MET: variants seen among roughly 807,000 people sequenced by gnomAD.
The protein encoded by MET is MET proto-oncogene, receptor tyrosine kinase, also known as hepatocyte growth factor receptor.
A neutral mutation model predicts 133.1 loss-of-function variants in MET; 48 were observed. That is an observed-to-expected ratio of 0.36 (90% CI 0.29 to 0.46). MET has a LOEUF of 0.46. Among genes scored for constraint, MET ranks in the 20% least tolerant of loss-of-function variants. The pLI is 1.00. For synonymous variants in MET, 628 were observed against 616.5 expected (o/e 1.02, Z -0.28); for missense variants, 1,442 against 1,695.9 (o/e 0.85, Z 2.63).
intron 2 of MET, among the ~76,000 whole-genome samples, chr7:116,730,274 G>A (rs559591638): frequency 6.6e-5 from 10 of 152,308 alleles, no homozygotes; most frequent in African/African-American, 2.2e-4. Flanking sequence ...TATTTGGAGC[G>A]CTGAAAGAAG....
intron 3 of MET, among the ~76,000 whole-genome samples, chr7:116,735,779 C>CTTT (rs34534013): frequency 5.4e-5 from 7 of 129,832 alleles, no homozygotes; most frequent in African/African-American, 8.7e-5. Flanking sequence ...TTAGCTTTGG[C>CTTT]TTTTTTTTTT....
At chr7:116,694,063 G>T (rs1241589791) in intron 1 of MET, among the ~76,000 whole-genome samples, 1 of 152,204 alleles carries the variant, frequency 6.6e-6, no homozygotes, top group Non-Finnish European at 1.5e-5. Context: ...TGGCCTCTCA[G>T]TTGTCACTCA....
intron 1 of MET, among the ~76,000 whole-genome samples, chr7:116,691,094 T>C (rs1050822862): frequency 8.5e-5 from 13 of 152,216 alleles, no homozygotes; most frequent in Admixed American, 7.2e-4. Context: ...GACTGTAATT[T>C]CCTTAATATG....
rs77651398 is a variant in MET, at chr7:116,699,218, A to G, written c.134A>G (p.Asn45Ser). The G allele has an allele frequency of 1.2e-6, 2 of 1,613,940 alleles. No individual in the cohort carries two copies. Among genetic ancestry groups the G allele is most frequent in the East Asian group, 2.2e-5 (1 of 44,876 alleles). Residue 45 changes from asparagine to serine, a missense_variant, in exon 2 of 21, where the codon AAC (asparagine) becomes AGC (serine). This residue lies in a region of MET where 762 missense variants were observed against 792.4 expected (regional missense o/e 0.96). Transcript: ENST00000397752. ...MNVNMKYQLPNFTAETPIQNV... is the reference protein window; with the variant it reads ...MNVNMKYQLPSFTAETPIQNV... Reference sequence around the variant, plus strand: ...GTGAATATGAAGTATCAGCTTCCCAACTTCACCGCGGAAACACCCATCCAG... The same window carrying G: ...GTGAATATGAAGTATCAGCTTCCCAGCTTCACCGCGGAAACACCCATCCAG...
chr7:116,763,427 G>T, intron 11 of MET, 159 bp downstream of exon 11: 1 of 713,692 alleles, frequency 1.4e-6, no homozygotes, highest in South Asian at 1.6e-5. Flanking sequence ...AAAACTAAAA[G>T]ATAAGAATAA....
In MET at chr7:116,732,135, G is replaced by C. The variant is rs10244916; in HGVS notation, c.1392+276G>C. Among the ~76,000 whole-genome samples the C allele has an allele frequency of 0.028, 4,317 of 151,868 alleles. 227 individuals carry two copies. Among genetic ancestry groups the C allele is most frequent in the African/African-American group, 0.099 (4,087 of 41,368 alleles). On this transcript the variant is annotated intron_variant, in intron 3 of 20. Coordinates refer to ENST00000397752, the MANE Select transcript of MET (RefSeq NM_000245.4). ...CATTTTTTTTCCATTTATAATTTCT[G>C]TCACGTGATTGGAAAATAAAATGAA...
chr7:116,758,345 A>G (rs373940602), intron 8 of MET, 114 bp from the exon 9 acceptor site: 1 of 1,111,696 alleles, frequency 9.0e-7, no homozygotes, highest in Non-Finnish European at 1.3e-6. Flanking sequence ...GCTTCCACTC[A>G]GGAAATTCCC....
rs548897187 is a variant in MET at position 116,789,018 on chromosome 7, A to G, written c.3798+5549A>G. On this transcript the variant is annotated intron_variant, in intron 19 of 20. Coordinates refer to ENST00000397752, the MANE Select transcript of MET (RefSeq NM_000245.4). The stretch of plus-strand genomic sequence containing the variant: ...TACAAGTTCTTCCATTAAACTGTGT[A>G]TTGACTTCCTTGTTCTCAGCCCTTA... Among the ~76,000 whole-genome samples, 14 of 152,332 alleles carry G rather than the reference A, an allele frequency of 9.2e-5. No individual in the cohort carries two copies. In the South Asian group the frequency reaches 2.7e-3, roughly 29 times the overall value.
intron 2 of MET, among the ~76,000 whole-genome samples, chr7:116,711,634 TTTTTG>T (rs1792001075): frequency 1.3e-5 from 2 of 152,136 alleles, no homozygotes; most frequent in Non-Finnish European, 2.9e-5. Flanking sequence ...CAGGTTTTTT[TTTTTG>T]TTTAGTGTAT....
chr7:116,697,485 T>C (rs1470120029), intron 1 of MET, among the ~76,000 whole-genome samples: 1 of 152,210 alleles, frequency 6.6e-6, no homozygotes, highest in African/African-American at 2.4e-5. Flanking sequence ...TAATCACCTC[T>C]TAAAGTCCCC....
intron 2 of MET, among the ~76,000 whole-genome samples, chr7:116,716,493 G>GAAA (rs1275001923): frequency 2.0e-5 from 3 of 146,598 alleles, no homozygotes; most frequent in Non-Finnish European, 4.5e-5. Context: ...AAGAAAGAAA[G>GAAA]AAAGAAAGAA....
At chr7:116,760,102 A>G (rs540940807) in intron 10 of MET, among the ~76,000 whole-genome samples, 67 of 152,310 alleles carry the variant, frequency 4.4e-4, no homozygotes, top group Non-Finnish European at 8.4e-4. Context: ...ACAGACAGTC[A>G]GTACAAATGG....
intron 2 of MET, among the ~76,000 whole-genome samples, chr7:116,706,493 A>T (rs1791799574): frequency 6.6e-6 from 1 of 152,164 alleles, no homozygotes; most frequent in Admixed American, 6.5e-5. Flanking sequence ...AGCATGTGGG[A>T]TGCTGCATTG....
In MET at chr7:116,672,417, C is replaced by T. The variant is rs1796005347; in HGVS notation, c.-175C>T. ...AGGTGACCCGGAGGCCCTCGCCGCC[C>T]GCGGCGCCCCGAGCGCTTTGTGAGC... is the stretch of plus-strand genomic sequence containing the variant. On this transcript the variant is annotated 5_prime_UTR_variant, in exon 1 of 21. Transcript: ENST00000397752. 2.5e-6 allele frequency: 1 copy of T among 392,464 alleles called. No individual in the cohort carries two copies. The highest frequency in any genetic ancestry group is 2.1e-5 in the African/African-American group (1 of 48,244). 24.3% of individuals were successfully genotyped at this position (392,464 alleles called of 1,614,324 possible). A position where few individuals can be genotyped will look rare whatever the true frequency, so the allele number is the denominator to read the frequency against.
chr7:116,796,075 C>A lies in MET; in HGVS notation c.4124C>A (p.Ala1375Asp). The part of the protein sequence containing the change: ...YPSLLSSEDN[A>D]DDEVDTRPAS... ...TCTCTGTTGTCATCAGAAGATAACG[C>A]TGATGATGAGGTGGACACACGACCA... The change falls in exon 21 of 21, where the codon GCT becomes GAT. Residue 1375 changes from alanine (A) to aspartate (D), a missense_variant. Physicochemically the swap from Ala to Asp is moderately radical, Grantham distance 126. Around this residue, in one of 6 missense-constraint regions of MET, gnomAD observed 94 missense variants for 109.5 expected, o/e 0.86. Transcript: ENST00000397752. 1 of 1,613,954 alleles carries A rather than the reference C, an allele frequency of 6.2e-7. No homozygotes were observed. Among genetic ancestry groups the A allele is most frequent in the South Asian group, 1.1e-5 (1 of 91,068 alleles).
intron 5 of MET, among the ~76,000 whole-genome samples, chr7:116,744,571 A>G (rs1434680090): frequency 6.6e-6 from 1 of 152,238 alleles, no homozygotes; most frequent in Admixed American, 6.5e-5. Context: ...TGATTGGTGT[A>G]CCTGAAAGTT....
At chr7:116,689,782 A>G (rs1255904443) in intron 1 of MET, among the ~76,000 whole-genome samples, 1 of 151,516 alleles carries the variant, frequency 6.6e-6, no homozygotes, top group Non-Finnish European at 1.5e-5. Context: ...CTGGTCTCAA[A>G]CTCCTGAACT....
At chr7:116,749,698 A>G (rs1793839766) in intron 5 of MET, among the ~76,000 whole-genome samples, 2 of 152,210 alleles carry the variant, frequency 1.3e-5, no homozygotes, top group Admixed American at 1.3e-4. Flanking sequence ...ATGATTGCAT[A>G]TTTAGAAAAC....
chr7:116,705,268 A>G (rs1297237758), intron 2 of MET, among the ~76,000 whole-genome samples: 4 of 152,134 alleles, frequency 2.6e-5, no homozygotes, highest in Non-Finnish European at 5.9e-5. Flanking sequence ...TTGATCTGTC[A>G]TCCTCAGGGC....
Sources: gnomAD v4.1 joint callset for allele counts (sites outside exome capture counted in the v4.1 genomes callset) on GRCh38, gnomAD v4.1.1 for gene constraint, gnomAD v4.1.1 regional missense constraint, MANE v1.5 for transcripts, NCBI Gene and HGNC (gene_info 2026-07-23, HGNC 2026-07-21) for gene names.